TNN: variants seen among roughly 807,000 people sequenced by gnomAD.
TNN encodes the protein tenascin N, also known as tenascin-N.
TNN carries 122 observed loss-of-function variants against 134.4 expected under a neutral mutation model. That is an observed-to-expected ratio of 0.91 (90% confidence interval 0.78 to 1.06). The LOEUF is 1.06. TNN is among the 50% of genes least tolerant of loss of function. The pLI is 0.00. For synonymous variants in TNN, 710 were observed against 670.3 expected, an observed-to-expected ratio of 1.06 and a Z score of -0.91; for missense variants, 1,739 against 1,699.4, an observed-to-expected ratio of 1.02 and a Z score of -0.41.
In TNN at chr1:175,077,668, A is replaced by T. The variant is rs752793069; in HGVS notation, c.250A>T (p.Ile84Phe). Reference sequence around the variant, plus strand: ...GGGGGAGGCCAGGGAGGAACAGAACATCATCTTCAGGCACAACATCCGCCT... The same window carrying T: ...GGGGGAGGCCAGGGAGGAACAGAACTTCATCTTCAGGCACAACATCCGCCT... Reference protein sequence around the residue: ...ALGEAREEQNIIFRHNIRLQT... With the variant: ...ALGEAREEQNFIFRHNIRLQT... Residue 84 changes from isoleucine to phenylalanine, a missense_variant, in exon 2 of 19, where the codon ATC becomes TTC. Physicochemically the swap from Ile to Phe is conservative, Grantham distance 21. Coordinates refer to ENST00000239462, the MANE Select transcript of TNN (RefSeq NM_022093.2). The T allele has an allele frequency of 1.2e-6, 2 of 1,614,246 alleles. No homozygotes were observed. The highest frequency in any genetic ancestry group is 1.7e-6 in the Non-Finnish European group (2 of 1,180,038).
chr1:175,119,073 T>C (rs1574165425), intron 11 of TNN, among the ~76,000 whole-genome samples: 1 of 152,222 alleles, frequency 6.6e-6, no homozygotes, highest in African/African-American at 2.4e-5. Context: ...TAGAAAGGGT[T>C]CTTGGATCTT....
chr1:175,073,865 C>T (rs1673975186), intron 1 of TNN, among the ~76,000 whole-genome samples: 1 of 152,178 alleles, frequency 6.6e-6, no homozygotes, highest in African/African-American at 2.4e-5. Flanking sequence ...CTGGGCATGT[C>T]CTGCTGCAGT....
At chr1:175,121,670 A>G (rs994162400) in intron 11 of TNN, among the ~76,000 whole-genome samples, 1 of 150,954 alleles carries the variant, frequency 6.6e-6, no homozygotes, top group Non-Finnish European at 1.5e-5. Flanking sequence ...GACAGAGAAG[A>G]GGGGATGTCT....
chr1:175,121,296 G>A (rs1248930664), intron 11 of TNN, among the ~76,000 whole-genome samples: 3 of 152,164 alleles, frequency 2.0e-5, no homozygotes, highest in African/African-American at 4.8e-5. Flanking sequence ...GCCATTTCTG[G>A]CAAACGGAAG....
intron 4 of TNN, among the ~76,000 whole-genome samples, chr1:175,083,368 G>A (rs1674244255): frequency 1.3e-5 from 2 of 152,210 alleles, no homozygotes; most frequent in Non-Finnish European, 1.5e-5. Flanking sequence ...GAGGGCAGGG[G>A]CTCTGCAGCT....
At chr1:175,146,780 T>C (rs1676079722) in intron 18 of TNN, 151 bp from the exon 19 acceptor site, 1 of 734,186 alleles carries the variant, frequency 1.4e-6, no homozygotes, top group South Asian at 4.3e-5. Context: ...TCCCCTCCCT[T>C]CTCATCACCC....
At chr1:175,140,809 G>A (rs1443151789) in intron 17 of TNN, among the ~76,000 whole-genome samples, 1 of 152,158 alleles carries the variant, frequency 6.6e-6, no homozygotes, top group Non-Finnish European at 1.5e-5. Flanking sequence ...ACAATGGTAG[G>A]GTTAGTGGAG....
chr1:175,145,552 C>CAAAAAAAAAAAAAAAAAAA lies in TNN; in HGVS notation c.3759+1007_3759+1025dup, dbSNP rs3028580. On this transcript the variant is annotated intron_variant, in intron 18 of 18. Coordinates refer to ENST00000239462, the MANE Select transcript of TNN (RefSeq NM_022093.2). The stretch of plus-strand genomic sequence containing the variant: ...TGGGTGGCAGAGCAAGACCCTGTCT[C>CAAAAAAAAAAAAAAAAAAA]AAAAAAAAAAAAAAAAAAAAAAAGC... Among the ~76,000 whole-genome samples the CAAAAAAAAAAAAAAAAAAA allele has an allele frequency of 1.0e-3, 29 of 28,910 alleles. 6 individuals are homozygous for CAAAAAAAAAAAAAAAAAAA. The highest frequency in any genetic ancestry group is 0.029 in the Middle Eastern group (1 of 34). The allele number at this position is 28,910 out of a possible 152,430, so 19.0% of individuals were successfully genotyped here. A position where few individuals can be genotyped will look rare whatever the true frequency, so the allele number is the denominator to read the frequency against.
chr1:175,130,381 A>AT (rs1553319401), intron 15 of TNN, among the ~76,000 whole-genome samples: 1 of 152,212 alleles, frequency 6.6e-6, no homozygotes, highest in Non-Finnish European at 1.5e-5. Flanking sequence ...GCTGGGGGAA[A>AT]TTCCCGATTG....
chr1:175,111,486 C>CAAA (rs59538028), intron 9 of TNN, among the ~76,000 whole-genome samples: 14 of 62,514 alleles, frequency 2.2e-4, no homozygotes, highest in Non-Finnish European at 2.5e-4. Flanking sequence ...GACTCTGTCT[C>CAAA]AAAAAAAAAA....
In TNN at chr1:175,118,619, C is replaced by A. The variant is rs755100819; in HGVS notation, c.2445C>A (p.Val815=). The A allele has an allele frequency of 6.2e-7, 1 of 1,614,182 alleles. No homozygotes were observed. Among genetic ancestry groups the A allele is most frequent in the South Asian group, 1.1e-5 (1 of 91,086 alleles). Reference sequence around the variant, plus strand: ...GGGTGACAGAGAATACAGCCACTGTCTCCTGGGACCCGGTGCAGGCCACCA... The same window carrying A: ...GGGTGACAGAGAATACAGCCACTGTATCCTGGGACCCGGTGCAGGCCACCA... The part of the protein sequence containing the change: ...TDWVTENTAT[V]SWDPVQATID... Residue 815 remains valine, a synonymous_variant, in exon 11 of 19, where the codon GTC becomes GTA. Coordinates refer to ENST00000239462, the MANE Select transcript of TNN (RefSeq NM_022093.2).
At position 175,097,671 on chromosome 1, in the gene TNN, A is replaced by G; in HGVS notation, c.1843A>G (p.Asn615Asp). ...GDRESKKADT[N>D]APTDIDSPKN... The stretch of plus-strand genomic sequence containing the variant: ...CCGAGAGAGCAAGAAGGCTGACACC[A>G]ACGCCCCGACAGGTAACAAAAGAGA... Residue 615 changes from asparagine to aspartate, a missense_variant, in exon 8 of 19, where the codon AAC (asparagine) becomes GAC (aspartate). Coordinates refer to ENST00000239462, the MANE Select transcript of TNN (RefSeq NM_022093.2). The G allele has an allele frequency of 6.2e-7, 1 of 1,614,102 alleles. No homozygotes were observed. The highest frequency in any genetic ancestry group is 8.5e-7 in the Non-Finnish European group (1 of 1,180,004).
chr1:175,113,208 G>A (rs1395544158), intron 9 of TNN, among the ~76,000 whole-genome samples: 1 of 152,100 alleles, frequency 6.6e-6, no homozygotes, highest in Non-Finnish European at 1.5e-5. Context: ...CCAAACGTAG[G>A]ACTCCCTTGA....
chr1:175,099,717 G>A (rs761946554), intron 9 of TNN, among the ~76,000 whole-genome samples: 1 of 152,154 alleles, frequency 6.6e-6, no homozygotes, highest in Non-Finnish European at 1.5e-5. Flanking sequence ...GGAGGAGGGA[G>A]CTGGGGGTCG....
chr1:175,074,339 GCCAGGCACTGTGACATATAC>G (rs930498853), intron 1 of TNN, among the ~76,000 whole-genome samples: 2 of 152,066 alleles, frequency 1.3e-5, no homozygotes, highest in African/African-American at 4.8e-5. Flanking sequence ...ACAAAAATTA[GCCAGGCACTGTGACATATAC>G]CTGTAGTCCC....
intron 1 of TNN, among the ~76,000 whole-genome samples, chr1:175,075,591 C>T (rs537911256): frequency 5.3e-4 from 80 of 152,250 alleles, no homozygotes; most frequent in Middle Eastern, 3.4e-3. Context: ...CCACCGTGCC[C>T]GGCCAGCATT....
chr1:175,141,809 T>C (rs187048342), intron 17 of TNN, among the ~76,000 whole-genome samples: 10 of 152,314 alleles, frequency 6.6e-5, no homozygotes, highest in African/African-American at 2.2e-4. Context: ...GGGCCTGCCA[T>C]GAACCCCTCC....
intron 9 of TNN, among the ~76,000 whole-genome samples, chr1:175,100,058 T>C (rs1023553001): frequency 6.6e-6 from 1 of 152,290 alleles, no homozygotes; most frequent in South Asian, 2.1e-4. Flanking sequence ...GCACAGCTCT[T>C]TTGCAATGCT....
At chr1:175,113,669 T>G (rs1675094811) in intron 9 of TNN, among the ~76,000 whole-genome samples, 1 of 152,190 alleles carries the variant, frequency 6.6e-6, no homozygotes, top group Admixed American at 6.5e-5. Flanking sequence ...TTTACATCTC[T>G]TTTCTTTCTG....
Sources: allele counts gnomAD v4.1 joint callset (sites outside exome capture counted in the v4.1 genomes callset), GRCh38; gene constraint gnomAD v4.1.1; transcripts MANE v1.5; gene names NCBI Gene and HGNC (gene_info 2026-07-23, HGNC 2026-07-21).